PCDH11X: variants seen among roughly 807,000 people sequenced by gnomAD.
PCDH11X encodes protocadherin-11 X-linked.
PCDH11X carries 18 observed loss-of-function variants against 53.3 expected under a neutral mutation model. The ratio of observed to expected loss-of-function variants is 0.34; its 90% confidence interval spans 0.23 to 0.50. PCDH11X has a LOEUF of 0.50. Ranked by LOEUF, PCDH11X falls within the 20% of genes least tolerant of loss-of-function variation. The pLI is 0.98. For missense variants in PCDH11X, 570 were observed against 1,032.4 expected (o/e 0.55, Z 6.14); for synonymous variants, 279 against 393.3 (o/e 0.71, Z 3.44).
intron 10 of PCDH11X, among the ~76,000 whole-genome samples, chrX:92,616,879 T>C (rs1928027074): frequency 9.0e-6 from 1 of 111,404 alleles, no homozygotes; most frequent in African/African-American, 3.3e-5. Flanking sequence ...ACATGGTGTA[T>C]CTCTCCATTT....
chrX:92,241,989 C>T (rs1161398828), intron 7 of PCDH11X, among the ~76,000 whole-genome samples: 1 of 109,334 alleles, frequency 9.1e-6, no homozygotes, highest in Non-Finnish European at 1.9e-5. Flanking sequence ...TGAACATACT[C>T]GGGAGGCTGA....
chrX:92,444,962 G>A (rs1283889599), intron 9 of PCDH11X, among the ~76,000 whole-genome samples: 1 of 95,815 alleles, frequency 1.0e-5, no homozygotes, highest in Non-Finnish European at 2.1e-5. Context: ...CCATTTGTTA[G>A]TATTTTGTTG....
At chrX:92,436,571 A>G (rs1400405560) in intron 9 of PCDH11X, among the ~76,000 whole-genome samples, 2 of 111,849 alleles carry the variant, frequency 1.8e-5, no homozygotes, top group Non-Finnish European at 3.8e-5. Context: ...CATGGAATCA[A>G]GCTAAATGCC....
chrX:92,255,491 C>T (rs756135932), intron 7 of PCDH11X, among the ~76,000 whole-genome samples: 1,707 of 109,310 alleles, frequency 0.016, 23 homozygotes, highest in Non-Finnish European at 0.025. Flanking sequence ...TGAGGAGCTG[C>T]GTTCCTTTGG....
intron 10 of PCDH11X, among the ~76,000 whole-genome samples, chrX:92,474,374 T>C (rs1370914978): frequency 9.1e-6 from 1 of 109,534 alleles, no homozygotes; most frequent in East Asian, 2.9e-4. Context: ...AGGCAATAGA[T>C]TATATAGTTT....
At chrX:92,087,925 T>C (rs2063985860) in intron 6 of PCDH11X, among the ~76,000 whole-genome samples, 1 of 106,689 alleles carries the variant, frequency 9.4e-6, no homozygotes, top group African/African-American at 3.4e-5. Context: ...ATATAAGATA[T>C]ATTGCTTATA....
chrX:92,295,905 CCTCAT>C (rs1385413954), intron 8 of PCDH11X, among the ~76,000 whole-genome samples: 3 of 108,868 alleles, frequency 2.8e-5, no homozygotes, highest in African/African-American at 1.0e-4. Context: ...CATGGTGAAA[CCTCAT>C]CTCTACTAAA....
chrX:92,223,550 T>C (rs1408582032), intron 7 of PCDH11X, among the ~76,000 whole-genome samples: 2 of 112,161 alleles, frequency 1.8e-5, no homozygotes, highest in African/African-American at 6.5e-5. Flanking sequence ...TTCTCTCACC[T>C]GAAGCAACTG....
chrX:92,118,427 C>T (rs1255486274), intron 6 of PCDH11X, among the ~76,000 whole-genome samples: 13 of 107,347 alleles, frequency 1.2e-4, no homozygotes, highest in Non-Finnish European at 2.3e-4. Flanking sequence ...AATCTCCAAG[C>T]TCACAAGAAG....
chrX:92,245,674 A>G (rs2067336333), intron 7 of PCDH11X, among the ~76,000 whole-genome samples: 1 of 111,740 alleles, frequency 8.9e-6, no homozygotes, highest in African/African-American at 3.3e-5. Context: ...AATTTATCCT[A>G]AGCTGTAGAT....
intron 6 of PCDH11X, among the ~76,000 whole-genome samples, chrX:91,971,138 G>A (rs1384707909): frequency 1.8e-5 from 2 of 111,263 alleles, no homozygotes; most frequent in East Asian, 5.6e-4. Flanking sequence ...AGCAAAGAAA[G>A]CTTTCTTTTC....
At chrX:91,791,250 T>G (rs1935522052) in intron 1 of PCDH11X, among the ~76,000 whole-genome samples, 1 of 110,347 alleles carries the variant, frequency 9.1e-6, no homozygotes, top group Non-Finnish European at 1.9e-5. Flanking sequence ...CTTGCATTGC[T>G]ATAAAGAACT....
At chrX:92,241,200 G>C (rs1053861805) in intron 7 of PCDH11X, among the ~76,000 whole-genome samples, 1 of 110,870 alleles carries the variant, frequency 9.0e-6, no homozygotes, top group Non-Finnish European at 1.9e-5. Flanking sequence ...TATAAATTAC[G>C]GTCAACTTGC....
In PCDH11X at chrX:92,391,920, A is replaced by G. The variant is rs890930881; in HGVS notation, c.3343+3987A>G. On this transcript the variant is annotated intron_variant, in intron 9 of 10. Coordinates refer to ENST00000682573, the MANE Select transcript of PCDH11X (RefSeq NM_032968.5). The stretch of plus-strand genomic sequence containing the variant: ...GGCTCAAATCAGTCTTCAGCTTTCT[A>G]GTCATAAATCAGTTCAATTGCAGAG... Among the ~76,000 whole-genome samples the G allele has an allele frequency of 4.4e-4, 49 of 111,503 alleles. 1 individual carries two copies. The highest frequency in any genetic ancestry group is 1.5e-3 in the African/African-American group (46 of 30,798).
chrX:92,173,048 C>T (rs1269918561), intron 6 of PCDH11X, among the ~76,000 whole-genome samples: 2 of 111,864 alleles, frequency 1.8e-5, no homozygotes, highest in African/African-American at 3.2e-5. Context: ...TCTTCTATGA[C>T]CACATAAAAT....
Position 91,852,203 on chromosome X carries a change from C to T in PCDH11X, c.540+16159C>T, listed in dbSNP as rs773076290. On this transcript the variant is annotated intron_variant, in intron 5 of 10. Coordinates refer to ENST00000682573, the MANE Select transcript of PCDH11X (RefSeq NM_032968.5). The stretch of plus-strand genomic sequence containing the variant: ...TAATTTCTTGTATTTTTAGTAGAGA[C>T]GGGGTTTCACCATGTTGGCCAGGCT... 2.8e-3 allele frequency among the ~76,000 whole-genome samples: 295 copies of T among 106,525 alleles called. 2 individuals carry two copies. The highest frequency in any genetic ancestry group is 9.7e-3 in the African/African-American group (284 of 29,336). 92.5% of individuals were successfully genotyped at this position (106,525 alleles called of 115,157 possible). A position where few individuals can be genotyped will look rare whatever the true frequency, so the allele number is the denominator to read the frequency against.
At chrX:92,499,898 C>T (rs1037473848) in intron 10 of PCDH11X, among the ~76,000 whole-genome samples, 2 of 108,319 alleles carry the variant, frequency 1.8e-5, no homozygotes, top group African/African-American at 6.7e-5. Context: ...GAGACCTTTA[C>T]CTCCAAAAGG....
At chrX:92,406,562 C>G (rs905429744) in intron 9 of PCDH11X, among the ~76,000 whole-genome samples, 12 of 98,078 alleles carry the variant, frequency 1.2e-4, no homozygotes, top group Non-Finnish European at 1.6e-4. Flanking sequence ...ATAATTGTTT[C>G]TATCCTCTAA....
intron 10 of PCDH11X, among the ~76,000 whole-genome samples, chrX:92,548,794 G>A (rs896607687): frequency 1.8e-5 from 2 of 110,267 alleles, no homozygotes; most frequent in Admixed American, 9.7e-5. Context: ...TCAGTGATAT[G>A]TTCGATCCAT....
Sources: allele counts gnomAD v4.1 joint callset (sites outside exome capture counted in the v4.1 genomes callset), GRCh38; gene constraint gnomAD v4.1.1; transcripts MANE v1.5; gene names NCBI Gene and HGNC (gene_info 2026-07-23, HGNC 2026-07-21).